Variants in TTN observed in about 807,000 individuals in gnomAD.
The protein encoded by TTN is titin.
In TTN, 1,525 loss-of-function variants were observed where a neutral mutation model predicts 3,223.0. That is an observed-to-expected ratio of 0.47 (90% confidence interval 0.45 to 0.49). TTN has a LOEUF of 0.49. Among genes scored for constraint, TTN ranks in the 20% least tolerant of loss-of-function variants. TTN has a pLI of 0.00. For synonymous variants in TTN, 14,094 were observed against 15,161.0 expected (o/e 0.93, Z 5.17); for missense variants, 40,786 against 43,424.0 (o/e 0.94, Z 5.40).
Position 178,704,695 on chromosome 2 carries a change from T to A in TTN, c.29777A>T (p.Asn9926Ile), listed in dbSNP as rs377147236. Residue 9926 changes from asparagine to isoleucine, a missense_variant, in exon 105 of 363, where the codon AAT (asparagine) becomes ATT (isoleucine). Coordinates refer to ENST00000589042, the MANE Select transcript of TTN (RefSeq NM_001267550.2). ...CCACGAAAGCTTGATTTCTGGATAATTAATTTTAATGTCAATTTCAAAGAC... is the reference window on the plus strand; with the variant it reads ...CCACGAAAGCTTGATTTCTGGATAAATAATTTTAATGTCAATTTCAAAGAC... ...DAVFEIDIKI[N>I]YPEIKLSWYK... is the part of the protein sequence containing the mutation. 54 of 1,611,622 alleles carry A rather than the reference T, an allele frequency of 3.4e-5. No individual in the cohort carries two copies. The highest frequency in any genetic ancestry group is 4.4e-5 in the Non-Finnish European group (52 of 1,179,044).
rs763463493 is a variant in TTN, at chr2:178,532,459, A to G, written c.104156T>C (p.Val34719Ala). The G allele has an allele frequency of 6.2e-7, 1 of 1,613,724 alleles. No individual in the cohort carries two copies. The change falls in exon 358 of 363, where the codon GTG (valine) becomes GCG (alanine). Residue 34719 changes from valine to alanine, a missense_variant. Transcript: ENST00000589042. ...RYSSPQAHVK[V>A]EETRKDFRYS... ...CCTGAAGTCTTTTCTTGTTTCCTCC[A>G]CCTTGACATGAGCTTGTGGTGAAGA...
rs768529940 is a variant in TTN, at chr2:178,542,512, G to A, written c.97244C>T (p.Thr32415Ile). ...GPIKIDEIDA[T>I]SITISWEPPE... ...TGGTTCCCAGGAAATGGTAATTGAT[G>A]TAGCATCAATTTCATCAATCTTAAT... The change falls in exon 349 of 363, where the codon ACA becomes ATA. Residue 32415 changes from threonine to isoleucine, a missense_variant. Thr to Ile is a moderately conservative substitution (Grantham distance 89). Transcript: ENST00000589042. The A allele has an allele frequency of 7.4e-6, 12 of 1,611,758 alleles. No individual in the cohort carries two copies. In the South Asian group the frequency reaches 1.1e-4, roughly 15 times the overall value.
rs945576198 is a variant in TTN at position 178,536,828 on chromosome 2, C to T, written c.100171+110G>A. The T allele has an allele frequency of 8.3e-6, 9 of 1,089,932 alleles. No individual in the cohort carries two copies. The Admixed American group carries it at 9.0e-5, about 11-fold the overall frequency. 67.5% of individuals were successfully genotyped at this position (1,089,932 alleles called of 1,614,324 possible). ...TAAAGTGAAAGAAAAGGCACTTGTA[C>T]TTTATCTGAATCTTTGCTATTTCCT... On this transcript the variant is annotated intron_variant, in intron 356 of 362. Coordinates refer to ENST00000589042, the MANE Select transcript of TTN (RefSeq NM_001267550.2).
chr2:178,632,205 G>A lies in TTN; in HGVS notation c.43689C>T (p.Thr14563=), dbSNP rs1384268268. ...ITFKDLSIDD[T]SQIRVEAMGM... is the part of the protein sequence containing the mutation. The stretch of plus-strand genomic sequence containing the variant: ...CCATAGCTTCTACTCTAATTTGGGA[G>A]GTGTCATCAATAGACAGGTCTTTGA... Residue 14563 remains threonine (T), a synonymous_variant, in exon 236 of 363, where the codon ACC becomes ACT. Coordinates refer to ENST00000589042, the MANE Select transcript of TTN (RefSeq NM_001267550.2). 1 of 1,608,638 alleles carries A rather than the reference G, an allele frequency of 6.2e-7. No homozygotes were observed. The highest frequency in any genetic ancestry group is 8.5e-7 in the Non-Finnish European group (1 of 1,177,268).
rs1429204801 is a variant in TTN, at chr2:178,526,134, T to TAAC, written c.*875_*877dup. The TAAC allele has an allele frequency of 6.5e-6, 1 of 152,688 alleles. No individual in the cohort carries two copies. The highest frequency in any genetic ancestry group is 1.5e-5 in the Non-Finnish European group (1 of 68,048). 9.5% of individuals were successfully genotyped at this position (152,688 alleles called of 1,614,324 possible). A position where few individuals can be genotyped will look rare whatever the true frequency, so the allele number is the denominator to read the frequency against. ...GCAATTAGTAATATTGTTTAAAATT[T>TAAC]AACAACAGCTTTATTTTGTTGTTGT... On this transcript the variant is annotated 3_prime_UTR_variant, in exon 363 of 363. Coordinates refer to ENST00000589042, the MANE Select transcript of TTN (RefSeq NM_001267550.2).
rs755276825 is a variant in TTN, at chr2:178,539,774, T to G, written c.98291A>C (p.Glu32764Ala). The change falls in exon 352 of 363, where the codon GAA (glutamate) becomes GCA (alanine). Residue 32764 changes from glutamate to alanine, a missense_variant. By Grantham distance (107) the Glu-to-Ala change is moderately radical (BLOSUM62 -1). Coordinates refer to ENST00000589042, the MANE Select transcript of TTN (RefSeq NM_001267550.2). ...AGTGCCAGAATCACCCCTGTCTGCT[T>G]CTTTGATCACAAGCTCAGTGTGTGT... ...SETHTELVIK[E>A]ADRGDSGTYD... 4 of 1,613,740 alleles carry G rather than the reference T, an allele frequency of 2.5e-6. No homozygotes were observed. The highest frequency in any genetic ancestry group is 3.4e-6 in the Non-Finnish European group (4 of 1,179,784).
chr2:178,601,113 A>T lies in TTN; in HGVS notation c.55791T>A (p.His18597Gln). The change falls in exon 288 of 363, where the codon CAT becomes CAA. Residue 18597 changes from histidine (H) to glutamine (Q), a missense_variant. His to Gln is a conservative substitution (Grantham distance 24). Coordinates refer to ENST00000589042, the MANE Select transcript of TTN (RefSeq NM_001267550.2). ...CATTCTTCGGGGGTTTCCATGACAG[A>T]TGCACTGTGTTCTTTGTGATGAGGC... ...KIGLITKNTV[H>Q]LSWKPPKNDG... The T allele has an allele frequency of 6.3e-7, 1 of 1,591,710 alleles. No individual in the cohort carries two copies. The highest frequency in any genetic ancestry group is 8.6e-7 in the Non-Finnish European group (1 of 1,169,342).
intron 245 of TTN, 44 bp downstream of exon 245, chr2:178,621,431 G>A: frequency 3.1e-6 from 5 of 1,601,970 alleles, no homozygotes; most frequent in Non-Finnish European, 4.3e-6. Context: ...TCTAGCAAGT[G>A]TGAATTGTTA....
rs201780296 is a variant in TTN, at chr2:178,654,228, G to A, written c.38360C>T (p.Pro12787Leu). 19 of 1,598,148 alleles carry A rather than the reference G, an allele frequency of 1.2e-5. 1 individual carries two copies. Among genetic ancestry groups the A allele is most frequent in the Non-Finnish European group, 1.5e-5 (18 of 1,177,920 alleles). The change falls in exon 193 of 363, where the codon CCG becomes CTG. Residue 12787 changes from proline to leucine, a missense_variant. Coordinates refer to ENST00000589042, the MANE Select transcript of TTN (RefSeq NM_001267550.2). ...KKVSVAVPKK[P>L]EAPRAKVPEA... Reference sequence around the variant, plus strand: ...AATACCTTTTGCACGTGGGGCTTCCGGTTTTTTGGGCACAGCCACAGATAC... The same window carrying A: ...AATACCTTTTGCACGTGGGGCTTCCAGTTTTTTGGGCACAGCCACAGATAC...
chr2:178,747,850 G>A (rs2084110364), intron 47 of TTN: 1 of 1,612,996 alleles, frequency 6.2e-7, no homozygotes, highest in Non-Finnish European at 8.5e-7. Context: ...AGGCATGAAT[G>A]TTTGTACTTA....
At chr2:178,638,273 G>T (rs2060754948) in intron 223 of TTN, among the ~76,000 whole-genome samples, 1 of 150,604 alleles carries the variant, frequency 6.6e-6, no homozygotes, top group South Asian at 2.1e-4. Flanking sequence ...ACATGGTAAT[G>T]TCCAAATATT....
chr2:178,646,419 A>C (rs1227101025), intron 216 of TTN, 66 bp downstream of exon 216: 2 of 1,130,296 alleles, frequency 1.8e-6, no homozygotes, highest in East Asian at 2.6e-5. Context: ...GTACAACAAC[A>C]TAAACCATAT....
Position 178,775,628 on chromosome 2 carries a change from T to C in TTN, c.6236A>G (p.Lys2079Arg), listed in dbSNP as rs1395240027. 6.2e-7 allele frequency: 1 copy of C among 1,614,012 alleles called. No individual in the cohort carries two copies. Among genetic ancestry groups the C allele is most frequent in the Admixed American group, 1.7e-5 (1 of 59,984 alleles). ...IELSPSMEAP[K>R]IFERIQSQTV... Reference sequence around the variant, plus strand: ...TTGGCTCTGGATTCTTTCGAAGATTTTTGGAGCCTCCATACTAGGACTTAG... The same window carrying C: ...TTGGCTCTGGATTCTTTCGAAGATTCTTGGAGCCTCCATACTAGGACTTAG... The change falls in exon 28 of 363, where the codon AAA (lysine) becomes AGA (arginine). Residue 2079 changes from lysine (K) to arginine (R), a missense_variant. Coordinates refer to ENST00000589042, the MANE Select transcript of TTN (RefSeq NM_001267550.2).
chr2:178,641,080 T>C (rs565945682), intron 220 of TTN, among the ~76,000 whole-genome samples, 161 bp downstream of exon 220: 2 of 152,084 alleles, frequency 1.3e-5, no homozygotes, highest in African/African-American at 4.8e-5. Context: ...ACTATAAAAA[T>C]ATTTAAACAG....
Position 178,595,673 on chromosome 2 carries a change from G to T in TTN, c.57681C>A (p.Asp19227Glu), listed in dbSNP as rs1440846373. 1 of 1,608,552 alleles carries T rather than the reference G, an allele frequency of 6.2e-7. No homozygotes were observed. Among genetic ancestry groups the T allele is most frequent in the Non-Finnish European group, 8.5e-7 (1 of 1,177,480 alleles). Residue 19227 changes from aspartate to glutamate, a missense_variant, in exon 295 of 363, where the codon GAC becomes GAA. Asp to Glu is a conservative substitution (Grantham distance 45). Coordinates refer to ENST00000589042, the MANE Select transcript of TTN (RefSeq NM_001267550.2). ...ATGTCACTGGGGTCCATGCTCTGCG[G>T]TCAGATTCACGCTTTTCAATGACAT... ...TNYVIEKRES[D>E]RRAWTPVTYT...
chr2:178,677,334 T>TTATATATATATATATATATATATA (rs1560296043), intron 146 of TTN, 47 bp from the exon 147 acceptor site: 2 of 341,566 alleles, frequency 5.9e-6, no homozygotes, highest in African/African-American at 7.6e-5. Flanking sequence ...ATATACATGG[T>TTATATATATATATATATATATATA]CATATATATA....
rs746319976 is a variant in TTN, at chr2:178,593,739, C to T, written c.58561G>A (p.Glu19521Lys). ...KITNYIIEKK[E>K]VGKDVWMPVT... is the part of the protein sequence containing the mutation. ...GGCATCCAGACGTCTTTACCCACTT[C>T]CTTCTTCTCAATAATATAATTGGTG... is the stretch of plus-strand genomic sequence containing the variant. Residue 19521 changes from glutamate (E) to lysine (K), a missense_variant, in exon 298 of 363, where the codon GAA becomes AAA. By Grantham distance (56) the Glu-to-Lys change is moderately conservative. Coordinates refer to ENST00000589042, the MANE Select transcript of TTN (RefSeq NM_001267550.2). 9 of 1,613,192 alleles carry T rather than the reference C, an allele frequency of 5.6e-6. No homozygotes were observed. In the Admixed American group the frequency reaches 1.5e-4, roughly 27 times the overall value.
chr2:178,722,442 G>A lies in TTN; in HGVS notation c.22345C>T (p.Gln7449Ter). ...TCRLNGSAPI[Q>*]VCWYRDGVLL... ...ACTCCATCTCTATACCAGCACACTT[G>A]GATGGGTGCAGAGCCATTTAATCGA... Residue 7449 changes from glutamine (Q) to a stop codon, truncating the protein, a stop_gained, in exon 77 of 363, where the codon CAA becomes TAA. Coordinates refer to ENST00000589042, the MANE Select transcript of TTN (RefSeq NM_001267550.2). LOFTEE classifies it high-confidence loss of function. The A allele has an allele frequency of 6.2e-7, 1 of 1,613,432 alleles. No individual in the cohort carries two copies. The highest frequency in any genetic ancestry group is 8.5e-7 in the Non-Finnish European group (1 of 1,179,530).
chr2:178,762,096 C>A (rs1033134615), intron 43 of TTN, among the ~76,000 whole-genome samples: 1 of 152,118 alleles, frequency 6.6e-6, no homozygotes, highest in Non-Finnish European at 1.5e-5. Flanking sequence ...AACATGGGAG[C>A]TTCTGAAGAC....
Sources: gnomAD v4.1 joint callset for allele counts (sites outside exome capture counted in the v4.1 genomes callset) on GRCh38, gnomAD v4.1.1 for gene constraint, MANE v1.5 for transcripts, NCBI Gene and HGNC (gene_info 2026-07-23, HGNC 2026-07-21) for gene names.